Variants in FER1L6 observed in about 807,000 individuals in gnomAD.
FER1L6 encodes the protein fer-1 like family member 6.
FER1L6 carries 177 observed loss-of-function variants against 219.2 expected under a neutral mutation model. The ratio of observed to expected loss-of-function variants is 0.81; its 90% confidence interval spans 0.71 to 0.91. The LOEUF is 0.91. FER1L6 is among the 40% of genes least tolerant of loss of function. The pLI is 0.00. For synonymous variants in FER1L6, 768 were observed against 824.3 expected (o/e 0.93, Z 1.17); for missense variants, 2,153 against 2,259.9 (o/e 0.95, Z 0.96).
chr8:123,973,045 A>G (rs770521734), intron 6 of FER1L6, among the ~76,000 whole-genome samples: 4 of 152,218 alleles, frequency 2.6e-5, no homozygotes, highest in Non-Finnish European at 5.9e-5. Flanking sequence ...AGTTGTGAGC[A>G]AAGTTGCAGG....
intron 12 of FER1L6, among the ~76,000 whole-genome samples, chr8:123,998,878 G>A (rs1481087819): frequency 1.3e-5 from 2 of 151,938 alleles, no homozygotes; most frequent in Non-Finnish European, 2.9e-5. Flanking sequence ...CTGGCGATTA[G>A]CAATGTTCAC....
rs543180368 is a variant in FER1L6, at chr8:124,080,551, C to T, written c.4221-1737C>T. ...CAGGCTTGTCTCGAACTCCTGGCCT[C>T]GAGTGATCCACCTGCCTCGGCCTCC... On this transcript the variant is annotated intron_variant, in intron 32 of 40. Coordinates refer to ENST00000522917, the MANE Select transcript of FER1L6 (RefSeq NM_001039112.2). Among the ~76,000 whole-genome samples, 307 of 152,194 alleles carry T rather than the reference C, an allele frequency of 2.0e-3. 1 individual carries two copies. Among genetic ancestry groups the T allele is most frequent in the African/African-American group, 7.0e-3 (291 of 41,528 alleles).
At chr8:124,088,784 C>A (rs1821893382) in intron 33 of FER1L6, among the ~76,000 whole-genome samples, 1 of 152,072 alleles carries the variant, frequency 6.6e-6, no homozygotes, top group Non-Finnish European at 1.5e-5. Flanking sequence ...CAGGTTATGT[C>A]TAGAAATGTC....
intron 14 of FER1L6, among the ~76,000 whole-genome samples, chr8:124,012,431 T>C (rs1341339071): frequency 6.6e-6 from 1 of 152,242 alleles, no homozygotes; most frequent in African/African-American, 2.4e-5. Flanking sequence ...CTAGAGGCCA[T>C]AGTGACATTC....
chr8:124,010,534 C>A, intron 13 of FER1L6, 60 bp from the exon 14 acceptor site: 1 of 1,597,034 alleles, frequency 6.3e-7, no homozygotes, highest in Non-Finnish European at 8.5e-7. Flanking sequence ...TAACGTGTGA[C>A]TGGGGTTGCC....
chr8:124,066,307 T>C, intron 26 of FER1L6, 121 bp from the exon 27 acceptor site: 1 of 1,096,274 alleles, frequency 9.1e-7, no homozygotes, highest in Non-Finnish European at 1.3e-6. Context: ...ACAAAACCAG[T>C]GGATACCTCT....
chr8:124,068,224 T>G (rs950276009), intron 28 of FER1L6, among the ~76,000 whole-genome samples: 1 of 152,144 alleles, frequency 6.6e-6, no homozygotes, highest in Non-Finnish European at 1.5e-5. Context: ...CAAACTCAAT[T>G]CAAGCCAACA....
intron 1 of FER1L6, among the ~76,000 whole-genome samples, chr8:123,937,811 T>G (rs899062262): frequency 1.3e-5 from 2 of 152,160 alleles, no homozygotes; most frequent in African/African-American, 4.8e-5. Context: ...ATCAAAGTAA[T>G]TGATGGGCCT....
chr8:123,940,648 A>C (rs1191534022), intron 1 of FER1L6, among the ~76,000 whole-genome samples: 1 of 152,170 alleles, frequency 6.6e-6, no homozygotes, highest in African/African-American at 2.4e-5. Flanking sequence ...AGAGTTTCAC[A>C]TCTTTTTGCT....
intron 1 of FER1L6, among the ~76,000 whole-genome samples, chr8:123,941,274 A>G (rs913950859): frequency 1.3e-5 from 2 of 152,242 alleles, no homozygotes; most frequent in African/African-American, 4.8e-5. Context: ...GTACCTGGTT[A>G]GTCTGGTGGG....
chr8:124,069,270 AC>A, intron 28 of FER1L6, 89 bp from the exon 29 acceptor site: 3 of 960,354 alleles, frequency 3.1e-6, no homozygotes, highest in Non-Finnish European at 5.0e-6. Context: ...ACAACATAGG[AC>A]ATGTCAGCAA....
intron 11 of FER1L6, chr8:123,984,223 G>A (rs1432925829): frequency 6.6e-6 from 1 of 152,136 alleles, no homozygotes; most frequent in Non-Finnish European, 1.5e-5. Context: ...GCCCAATGAT[G>A]GTGGTTATTT....
chr8:124,086,871 A>G (rs1821806535), intron 33 of FER1L6, among the ~76,000 whole-genome samples: 1 of 152,122 alleles, frequency 6.6e-6, no homozygotes, highest in Admixed American at 6.5e-5. Flanking sequence ...ATTCTAAGCT[A>G]AAAGTTTTTT....
chr8:124,056,198 G>A (rs1490715271), intron 22 of FER1L6, among the ~76,000 whole-genome samples: 1 of 152,154 alleles, frequency 6.6e-6, no homozygotes, highest in Non-Finnish European at 1.5e-5. Flanking sequence ...GAACATCTTT[G>A]GGAGTCATTA....
At chr8:124,069,889 C>T (rs1452925290) in intron 29 of FER1L6, among the ~76,000 whole-genome samples, 1 of 152,020 alleles carries the variant, frequency 6.6e-6, no homozygotes, top group Admixed American at 6.5e-5. Flanking sequence ...ATATTGATGG[C>T]TATGAAAATT....
In FER1L6 at chr8:123,873,015, A is replaced by G. The variant is rs559258905; in HGVS notation, c.-8+20830A>G. On this transcript the variant is annotated intron_variant, in intron 1 of 40. Coordinates refer to ENST00000522917, the MANE Select transcript of FER1L6 (RefSeq NM_001039112.2). Reference sequence around the variant, plus strand: ...CAGAGAGTCACAAAATCCTGCTAAGATATCTTCTTGCCTGGCTTCCAGGCT... The same window carrying G: ...CAGAGAGTCACAAAATCCTGCTAAGGTATCTTCTTGCCTGGCTTCCAGGCT... Among the ~76,000 whole-genome samples the G allele has an allele frequency of 2.6e-5, 4 of 152,300 alleles. No individual in the cohort carries two copies. The East Asian group carries it at 7.7e-4, about 29-fold the overall frequency.
At chr8:123,952,773 A>T (rs1004588113) in intron 1 of FER1L6, among the ~76,000 whole-genome samples, 7 of 152,178 alleles carry the variant, frequency 4.6e-5, no homozygotes, top group African/African-American at 1.7e-4. Context: ...CCTAGGAGAT[A>T]ATGTGTATAA....
chr8:123,994,647 C>T lies in FER1L6; in HGVS notation c.1519+8471C>T, dbSNP rs535314150. Among the ~76,000 whole-genome samples, 12 of 152,266 alleles carry T rather than the reference C, an allele frequency of 7.9e-5. No homozygotes were observed. In the South Asian group the frequency reaches 1.9e-3, roughly 24 times the overall value. On this transcript the variant is annotated intron_variant, in intron 12 of 40. Coordinates refer to ENST00000522917, the MANE Select transcript of FER1L6 (RefSeq NM_001039112.2). Reference sequence around the variant, plus strand: ...CAGGCCACACACCTCCCAGTTCACCCGCAAAACCCAGGCTCCCAGCTCTAG... The same window carrying T: ...CAGGCCACACACCTCCCAGTTCACCTGCAAAACCCAGGCTCCCAGCTCTAG...
chr8:123,938,765 C>G (rs1014260047), intron 1 of FER1L6, among the ~76,000 whole-genome samples: 1 of 151,968 alleles, frequency 6.6e-6, no homozygotes, highest in Non-Finnish European at 1.5e-5. Flanking sequence ...CCAGGCTGGC[C>G]TCAAACTCCT....
Sources: allele counts gnomAD v4.1 joint callset (sites outside exome capture counted in the v4.1 genomes callset), GRCh38; gene constraint gnomAD v4.1.1; transcripts MANE v1.5; gene names NCBI Gene and HGNC (gene_info 2026-07-23, HGNC 2026-07-21).